Variants in TVP23B observed in about 807,000 individuals in gnomAD.
TVP23B encodes trans-golgi network vesicle protein 23 homolog B, also known as Golgi apparatus membrane protein TVP23 homolog B.
TVP23B carries 10 observed loss-of-function variants against 30.6 expected under a neutral mutation model. The observed-to-expected ratio is 0.33, with a 90% CI of 0.20 to 0.55. The LOEUF is 0.55. TVP23B is among the 20% of genes least tolerant of loss of function. TVP23B has a pLI of 0.91. For synonymous variants in TVP23B, 67 were observed against 83.1 expected, an observed-to-expected ratio of 0.81 and a Z score of 1.06; for missense variants, 153 against 243.2, an observed-to-expected ratio of 0.63 and a Z score of 2.47.
In TVP23B at chr17:18,781,217, T is replaced by A; in HGVS notation, c.-77T>A. Reference sequence around the variant, plus strand: ...GTCCCTGCTGGCCCTTGGTGACGGGTCGCCTCAGTTCCGACCCGGACCCGT... The same window carrying A: ...GTCCCTGCTGGCCCTTGGTGACGGGACGCCTCAGTTCCGACCCGGACCCGT... On this transcript the variant is annotated 5_prime_UTR_variant, in exon 1 of 7. Transcript: ENST00000307767. The A allele has an allele frequency of 6.5e-7, 1 of 1,543,814 alleles. No homozygotes were observed. The highest frequency in any genetic ancestry group is 8.7e-7 in the Non-Finnish European group (1 of 1,143,906).
At chr17:18,795,242 G>A (rs1438325133) in intron 3 of TVP23B, among the ~76,000 whole-genome samples, 1 of 151,874 alleles carries the variant, frequency 6.6e-6, no homozygotes, top group African/African-American at 2.4e-5. Context: ...AGCCAGGCTG[G>A]TCTTGAACCC....
At chr17:18,802,049 T>C (rs983656232) in intron 5 of TVP23B, among the ~76,000 whole-genome samples, 4 of 151,774 alleles carry the variant, frequency 2.6e-5, no homozygotes, top group Non-Finnish European at 4.4e-5. Context: ...GGTGAAACCC[T>C]GTCTCTACTA....
chr17:18,799,979 T>C (rs7210388), intron 5 of TVP23B, among the ~76,000 whole-genome samples: 33,113 of 152,040 alleles, frequency 0.22, 4,113 homozygotes, highest in East Asian at 0.55. Context: ...TACCTTTAAT[T>C]ACTTTATATG....
At chr17:18,784,906 G>T (rs1482338623) in intron 1 of TVP23B, among the ~76,000 whole-genome samples, 1 of 152,094 alleles carries the variant, frequency 6.6e-6, no homozygotes, top group African/African-American at 2.4e-5. Flanking sequence ...AGTTGTTCAG[G>T]ACAAAAACTT....
chr17:18,792,194 T>C (rs933080222), intron 3 of TVP23B, among the ~76,000 whole-genome samples: 1 of 151,950 alleles, frequency 6.6e-6, no homozygotes, highest in Non-Finnish European at 1.5e-5. Context: ...CCACCACGCC[T>C]GGCTAATTTT....
At chr17:18,783,750 C>T (rs935847944) in intron 1 of TVP23B, among the ~76,000 whole-genome samples, 1 of 152,212 alleles carries the variant, frequency 6.6e-6, no homozygotes, top group Non-Finnish European at 1.5e-5. Flanking sequence ...TACTGGAAGG[C>T]ATTGTTCTAG....
intron 2 of TVP23B, among the ~76,000 whole-genome samples, chr17:18,790,272 G>C (rs1424874425): frequency 1.3e-5 from 2 of 152,114 alleles, no homozygotes; most frequent in East Asian, 3.9e-4. Flanking sequence ...AGATCATCCT[G>C]GCTAACATGG....
At chr17:18,791,194 T>TG (rs2035988648) in intron 3 of TVP23B, among the ~76,000 whole-genome samples, 154 bp downstream of exon 3, 1 of 144,196 alleles carries the variant, frequency 6.9e-6, no homozygotes, top group Non-Finnish European at 1.5e-5. Flanking sequence ...GTAGTTTTTT[T>TG]TTTTTTTTTT....
chr17:18,783,408 C>G (rs535323007), intron 1 of TVP23B, among the ~76,000 whole-genome samples: 83 of 152,196 alleles, frequency 5.5e-4, no homozygotes, highest in South Asian at 3.7e-3. Flanking sequence ...GCCCGGCCGA[C>G]GGTTCCCACT....
intron 2 of TVP23B, 74 bp from the exon 3 acceptor site, chr17:18,790,822 A>G (rs2035980706): frequency 6.7e-7 from 1 of 1,499,324 alleles, no homozygotes. Context: ...GATGGCTAAA[A>G]CATTTTTCTC....
chr17:18,802,529 T>C (rs2386405), intron 5 of TVP23B, among the ~76,000 whole-genome samples: 33,014 of 129,984 alleles, frequency 0.25, 4,171 homozygotes, highest in East Asian at 0.59. Flanking sequence ...CTGGGGATGG[T>C]AATTAGTGAA....
At chr17:18,792,532 C>A (rs1208330035) in intron 3 of TVP23B, among the ~76,000 whole-genome samples, 1 of 152,192 alleles carries the variant, frequency 6.6e-6, no homozygotes, top group African/African-American at 2.4e-5. Flanking sequence ...ATACTGCTCA[C>A]AGTTTTGATA....
At chr17:18,794,936 C>G (rs2036051429) in intron 3 of TVP23B, among the ~76,000 whole-genome samples, 1 of 150,018 alleles carries the variant, frequency 6.7e-6, no homozygotes, top group Admixed American at 6.7e-5. Context: ...TATCTCCATT[C>G]AGGTTTGTCC....
chr17:18,804,729 C>T, intron 6 of TVP23B: 2 of 309,712 alleles, frequency 6.5e-6, no homozygotes, highest in Non-Finnish European at 9.9e-6. Context: ...GCTGGGATTA[C>T]AGGCGCATGC....
At chr17:18,804,648 G>A (rs2036220828) in intron 6 of TVP23B, 3 of 1,049,840 alleles carry the variant, frequency 2.9e-6, no homozygotes, top group Non-Finnish European at 3.5e-6. Flanking sequence ...GAGTGCAGTG[G>A]TGCAATCTTG....
chr17:18,795,284 A>T (rs978128206), intron 3 of TVP23B, among the ~76,000 whole-genome samples: 1 of 151,928 alleles, frequency 6.6e-6, no homozygotes, highest in African/African-American at 2.4e-5. Flanking sequence ...CAGGCAACTT[A>T]TATCTTAACA....
rs769223932 is a variant in TVP23B at position 18,804,250 on chromosome 17, A to G, written c.575A>G (p.Lys192Arg). ...LTSMATSYFG[K>R]QFLRQNTGDD... ...AGCATGGCTACTTCATATTTTGGAAAGCAGTTTTTAAGACAAGTAAGTGTT... is the reference window on the plus strand; with the variant it reads ...AGCATGGCTACTTCATATTTTGGAAGGCAGTTTTTAAGACAAGTAAGTGTT... The change falls in exon 6 of 7, where the codon AAG becomes AGG. Residue 192 changes from lysine (K) to arginine (R), a missense_variant. Lys to Arg is a conservative substitution (Grantham distance 26, BLOSUM62 2). This residue lies in a region of TVP23B where 62 missense variants were observed against 74.3 expected (regional missense o/e 0.83). Coordinates refer to ENST00000307767, the MANE Select transcript of TVP23B (RefSeq NM_016078.6). 1.3e-5 allele frequency: 21 copies of G among 1,605,520 alleles called. No homozygotes were observed. Among genetic ancestry groups the G allele is most frequent in the Non-Finnish European group, 1.8e-5 (21 of 1,174,600 alleles).
Position 18,791,015 on chromosome 17 carries a change from T to C in TVP23B, c.215T>C (p.Leu72Ser). ...TGTATGGTGACAATTATCTTGTTGT[T>C]GTCGTGTGACTTTTGGGCAGTGAAG... ...ITCMVTIILLLSCDFWAVKNV... is the reference protein window; with the variant it reads ...ITCMVTIILLSSCDFWAVKNV... The change falls in exon 3 of 7, where the codon TTG (leucine) becomes TCG (serine). Residue 72 changes from leucine (L) to serine (S), a missense_variant. By Grantham distance (145) the Leu-to-Ser change is moderately radical (BLOSUM62 -2). This residue lies in a region of TVP23B where 53 missense variants were observed against 128.0 expected (regional missense o/e 0.41). Coordinates refer to ENST00000307767, the MANE Select transcript of TVP23B (RefSeq NM_016078.6). 1.2e-6 allele frequency: 2 copies of C among 1,600,674 alleles called. No individual in the cohort carries two copies. The highest frequency in any genetic ancestry group is 1.2e-5 in the South Asian group (1 of 86,856).
At chr17:18,802,817 G>A (rs9898804) in intron 5 of TVP23B, among the ~76,000 whole-genome samples, 13,630 of 152,134 alleles carry the variant, frequency 0.09, 632 homozygotes, top group African/African-American at 0.11. Context: ...TTTGAATTGA[G>A]GTGTACCCTG....
Sources: gnomAD v4.1 joint callset for allele counts (sites outside exome capture counted in the v4.1 genomes callset) on GRCh38, gnomAD v4.1.1 for gene constraint, gnomAD v4.1.1 regional missense constraint, MANE v1.5 for transcripts, NCBI Gene and HGNC (gene_info 2026-07-23, HGNC 2026-07-21) for gene names.